The following GSK3B variants were observed in gnomAD, a reference collection of about 807,000 sequenced individuals.
GSK3B encodes glycogen synthase kinase 3 beta.
Under a neutral mutation model 56.4 loss-of-function variants are expected in GSK3B, and 15 were observed. That is an observed-to-expected ratio of 0.27 (90% CI 0.18 to 0.41). GSK3B has a LOEUF of 0.41. Ranked by LOEUF, GSK3B falls within the 10% of genes least tolerant of loss-of-function variation. The pLI is 1.00. For missense variants in GSK3B, 300 were observed against 513.4 expected, an observed-to-expected ratio of 0.58 and a Z score of 4.02; for synonymous variants, 181 against 188.9, an observed-to-expected ratio of 0.96 and a Z score of 0.34.
intron 9 of GSK3B, among the ~76,000 whole-genome samples, chr3:119,860,325 G>C (rs538170158): frequency 6.6e-6 from 1 of 152,252 alleles, no homozygotes; most frequent in Non-Finnish European, 1.5e-5. Context: ...GAAAGAAGGG[G>C]GTGTGCCAAA....
chr3:120,041,243 C>T (rs555894124), intron 1 of GSK3B: 383 of 229,458 alleles, frequency 1.7e-3, no homozygotes, highest in Non-Finnish European at 2.4e-3. Flanking sequence ...GATTTGGCTG[C>T]GGCTCCAAGC....
chr3:120,082,414 T>G (rs2058428212), intron 1 of GSK3B, among the ~76,000 whole-genome samples: 1 of 134,284 alleles, frequency 7.4e-6, no homozygotes, highest in Non-Finnish European at 1.6e-5. Flanking sequence ...TTTTTTTTTT[T>G]GAGAAAGAGT....
chr3:120,001,339 T>C (rs1232258232), intron 2 of GSK3B, among the ~76,000 whole-genome samples: 4 of 152,066 alleles, frequency 2.6e-5, no homozygotes, highest in African/African-American at 4.8e-5. Flanking sequence ...TGAGACTAGC[T>C]TGGACAACAT....
intron 3 of GSK3B, among the ~76,000 whole-genome samples, chr3:119,934,721 T>C (rs1196084177): frequency 1.3e-5 from 2 of 152,142 alleles, no homozygotes. Flanking sequence ...TCTGTCCATA[T>C]AGACATAAAA....
intron 8 of GSK3B, among the ~76,000 whole-genome samples, chr3:119,869,245 A>AAAAC (rs1455323431): frequency 3.3e-5 from 5 of 149,458 alleles, no homozygotes; most frequent in African/African-American, 1.3e-4. Context: ...AAAAAAAAAA[A>AAAAC]ACATATATTC....
At position 119,923,479 on chromosome 3, in the gene GSK3B, T is replaced by A. The variant is rs2056862833; in HGVS notation, c.371A>T (p.Asp124Val). ...CAGCACCAGATTAAGATAGACCTCA[T>A]CTTTCTGAAAGAGTTTATTTAAAAA... is the stretch of plus-strand genomic sequence containing the variant. ...YFFYSSGEKK[D>V]EVYLNLVLDY... The change falls in exon 4 of 11, where the codon GAT becomes GTT. Residue 124 changes from aspartate (D) to valine (V), a missense_variant. Around this residue, in one of 6 missense-constraint regions of GSK3B, gnomAD observed 62 missense variants for 84.0 expected, o/e 0.74. Coordinates refer to ENST00000264235, the MANE Select transcript of GSK3B (RefSeq NM_001146156.2). 6.6e-7 allele frequency: 1 copy of A among 1,519,998 alleles called. No homozygotes were observed. The highest frequency in any genetic ancestry group is 1.4e-5 in the African/African-American group (1 of 72,822). 94.2% of individuals were successfully genotyped at this position (1,519,998 alleles called of 1,614,324 possible). A position where few individuals can be genotyped will look rare whatever the true frequency, so the allele number is the denominator to read the frequency against.
chr3:119,979,473 A>G (rs115318141), intron 2 of GSK3B, among the ~76,000 whole-genome samples: 3,416 of 145,938 alleles, frequency 0.023, 108 homozygotes, highest in African/African-American at 0.081. Context: ...CCCAAACCCC[A>G]CTCCTCCTCC....
chr3:119,960,151 C>CAAAAAAAAAAAAA, intron 2 of GSK3B, among the ~76,000 whole-genome samples: 1 of 74,642 alleles, frequency 1.3e-5, no homozygotes, highest in Non-Finnish European at 2.5e-5. Context: ...TATGCTGAGA[C>CAAAAAAAAAAAAA]AAAAAAAAAA....
chr3:120,061,584 T>C (rs985676858), intron 1 of GSK3B, among the ~76,000 whole-genome samples: 2 of 152,192 alleles, frequency 1.3e-5, no homozygotes, highest in Non-Finnish European at 2.9e-5. Flanking sequence ...ATTATTGTTA[T>C]TAGTTCCAGG....
At chr3:119,950,439 T>C (rs2057146432) in intron 2 of GSK3B, among the ~76,000 whole-genome samples, 2 of 152,156 alleles carry the variant, frequency 1.3e-5, no homozygotes, top group Admixed American at 1.3e-4. Context: ...GTGGTGGGCT[T>C]GGCATATTCA....
chr3:119,980,315 G>A (rs976749637), intron 2 of GSK3B, among the ~76,000 whole-genome samples: 6 of 151,796 alleles, frequency 4.0e-5, no homozygotes, highest in African/African-American at 1.5e-4. Flanking sequence ...CATAGAGGCT[G>A]CAAAACTAAC....
intron 1 of GSK3B, among the ~76,000 whole-genome samples, chr3:120,088,064 T>C (rs992927782): frequency 6.6e-6 from 1 of 152,138 alleles, no homozygotes; most frequent in Non-Finnish European, 1.5e-5. Flanking sequence ...CCGCTAATTT[T>C]TGTATTTTTA....
At chr3:119,915,207 T>C (rs1170708345) in intron 5 of GSK3B, among the ~76,000 whole-genome samples, 1 of 152,024 alleles carries the variant, frequency 6.6e-6, no homozygotes, top group Non-Finnish European at 1.5e-5. Flanking sequence ...TTGATGAAAT[T>C]TGCAGGAAAA....
At chr3:119,855,221 T>G (rs895879353) in intron 9 of GSK3B, among the ~76,000 whole-genome samples, 5 of 152,092 alleles carry the variant, frequency 3.3e-5, no homozygotes, top group Non-Finnish European at 7.4e-5. Context: ...AACAGACACA[T>G]GAAAAAATGC....
intron 1 of GSK3B, among the ~76,000 whole-genome samples, chr3:120,092,975 T>TA (rs1245985210): frequency 6.6e-6 from 1 of 152,154 alleles, no homozygotes; most frequent in Non-Finnish European, 1.5e-5. Flanking sequence ...CATAATGGTT[T>TA]AGTAATCAAA....
intron 10 of GSK3B, 112 bp downstream of exon 10, chr3:119,843,143 G>C (rs541760082): frequency 5.7e-6 from 3 of 530,686 alleles, no homozygotes; most frequent in African/African-American, 2.0e-5. Context: ...TCAAACTCCT[G>C]ACCTCAGGTG....
chr3:119,920,950 A>C (rs1281000776), intron 4 of GSK3B, among the ~76,000 whole-genome samples: 6 of 152,202 alleles, frequency 3.9e-5, no homozygotes, highest in African/African-American at 4.8e-5. Flanking sequence ...GACAATTAGC[A>C]CCTCTAGCAT....
At chr3:119,829,891 A>G (rs1235890365) in intron 10 of GSK3B, among the ~76,000 whole-genome samples, 1 of 152,196 alleles carries the variant, frequency 6.6e-6, no homozygotes, top group Non-Finnish European at 1.5e-5. Context: ...TTTTAACGCT[A>G]ATTATTTTGA....
At chr3:119,975,116 T>C (rs961328962) in intron 2 of GSK3B, among the ~76,000 whole-genome samples, 1 of 152,188 alleles carries the variant, frequency 6.6e-6, no homozygotes, top group African/African-American at 2.4e-5. Flanking sequence ...CAAATTGTGA[T>C]ATATCCATAA....
Sources: gnomAD v4.1 joint callset for allele counts (sites outside exome capture counted in the v4.1 genomes callset) on GRCh38, gnomAD v4.1.1 for gene constraint, gnomAD v4.1.1 regional missense constraint, MANE v1.5 for transcripts, NCBI Gene and HGNC (gene_info 2026-07-23, HGNC 2026-07-21) for gene names.